Variants in MON1A observed in about 807,000 individuals in gnomAD.
The protein encoded by MON1A is vacuolar fusion protein MON1 homolog A.
A neutral mutation model predicts 44.6 loss-of-function variants in MON1A; 29 were observed. The observed-to-expected ratio is 0.65, with a 90% CI of 0.48 to 0.89. The LOEUF (loss-of-function observed/expected upper bound fraction) is 0.89, where lower values mean the gene tolerates loss of function less well. MON1A is among the 40% of genes least tolerant of loss of function. The probability of loss-of-function intolerance (pLI) is 0.00; values close to 1 mark genes in which losing one functional copy is unlikely to be tolerated. For synonymous variants in MON1A, 275 were observed against 316.4 expected (o/e 0.87, Z 1.39); for missense variants, 615 against 759.6 (o/e 0.81, Z 2.24).
chr3:49,914,342 C>T (rs1455344350), intron 1 of MON1A, among the ~76,000 whole-genome samples: 1 of 151,846 alleles, frequency 6.6e-6, no homozygotes, highest in Non-Finnish European at 1.5e-5. Context: ...CTCGGCCTCC[C>T]AAAATGCTGG....
chr3:49,921,017 G>A (rs1053909757), intron 1 of MON1A, among the ~76,000 whole-genome samples: 15 of 151,892 alleles, frequency 9.9e-5, no homozygotes, highest in African/African-American at 3.6e-4. Context: ...TTAGCCAGGC[G>A]TGGTGGCACG....
chr3:49,924,972 C>T (rs2083041423), intron 1 of MON1A, among the ~76,000 whole-genome samples: 1 of 152,166 alleles, frequency 6.6e-6, no homozygotes, highest in South Asian at 2.1e-4. Context: ...TTGAGCCATC[C>T]AGCTAAGCCA....
Position 49,909,568 on chromosome 3 carries a change from G to T in MON1A, c.1380-168C>A. 1.2e-6 allele frequency: 1 copy of T among 848,200 alleles called. No individual in the cohort carries two copies. Among genetic ancestry groups the T allele is most frequent in the Non-Finnish European group, 1.8e-6 (1 of 559,828 alleles). 52.5% of individuals were successfully genotyped at this position (848,200 alleles called of 1,614,324 possible). A position where few individuals can be genotyped will look rare whatever the true frequency, so the allele number is the denominator to read the frequency against. ...CTCCCCACCATAGCAGGCACCCCAGGACAGGGCTGGGCCCACTGAGACTAG... is the reference window on the plus strand; with the variant it reads ...CTCCCCACCATAGCAGGCACCCCAGTACAGGGCTGGGCCCACTGAGACTAG... On this transcript the variant is annotated intron_variant, in intron 4 of 5. Coordinates refer to ENST00000296473, the MANE Select transcript of MON1A (RefSeq NM_032355.4). The surrounding 1 kb of genome is among the most constrained non-coding windows in gnomAD (Gnocchi z 4.0).
At chr3:49,925,951 T>C (rs1437334735) in intron 1 of MON1A, among the ~76,000 whole-genome samples, 1 of 152,192 alleles carries the variant, frequency 6.6e-6, no homozygotes, top group Non-Finnish European at 1.5e-5. Context: ...TCTTTTGCCC[T>C]TGTCCCTGCA....
intron 1 of MON1A, among the ~76,000 whole-genome samples, chr3:49,914,887 C>T (rs2082930235): frequency 6.6e-6 from 1 of 152,108 alleles, no homozygotes; most frequent in Admixed American, 6.5e-5. Context: ...TTTCATGTTG[C>T]CCTGGCTGGT....
At position 49,920,568 on chromosome 3, in the gene MON1A, GGTGGCTCTCACC is replaced by G. The variant is rs557061520; in HGVS notation, c.-13-7221_-13-7210del. On this transcript the variant is annotated intron_variant, in intron 1 of 5. Coordinates refer to ENST00000296473, the MANE Select transcript of MON1A (RefSeq NM_032355.4). ...AAAAGGCCATCTCCTGGCCAGGCGT[GGTGGCTCTCACC>G]TGTAATCCCAGCACTTTGGGAGGCC... 2.3e-4 allele frequency: 35 copies of G among 152,320 alleles called. No homozygotes were observed. The East Asian group carries it at 6.6e-3, about 29-fold the overall frequency. The allele number at this position is 152,320 out of a possible 1,614,324, so 9.4% of individuals were successfully genotyped here. A position where few individuals can be genotyped will look rare whatever the true frequency, so the allele number is the denominator to read the frequency against.
chr3:49,929,751 G>A lies in MON1A; in HGVS notation c.-156C>T. ...CCCGGCCCCCTGCGTACACAGACAT[G>A]GCCACAGCGCAGGCACCGCTCCCTC... On this transcript the variant is annotated 5_prime_UTR_variant, in exon 1 of 6. Coordinates refer to ENST00000296473, the MANE Select transcript of MON1A (RefSeq NM_032355.4). 1 of 1,549,798 alleles carries A rather than the reference G, an allele frequency of 6.5e-7. No homozygotes were observed. The highest frequency in any genetic ancestry group is 1.2e-5 in the South Asian group (1 of 84,012).
In MON1A at chr3:49,911,834, G is replaced by A. The variant is rs754159971; in HGVS notation, c.305C>T (p.Thr102Met). ...CTCCTGCAGGTCCCGGGCCACACCC[G>A]TCAGCTGGGTGCTTAGCTCGCTAAA... ...QDFSELSTQLTGVARDLQEEM... is the reference protein window; with the variant it reads ...QDFSELSTQLMGVARDLQEEM... The change falls in exon 3 of 6, where the codon ACG becomes ATG. Residue 102 changes from threonine (T) to methionine (M), a missense_variant. Transcript: ENST00000296473. The surrounding 1 kb of genome is among the most constrained non-coding windows in gnomAD (Gnocchi z 5.7). The A allele has an allele frequency of 3.0e-5, 48 of 1,614,060 alleles. No homozygotes were observed. Among genetic ancestry groups the A allele is most frequent in the Non-Finnish European group, 4.0e-5 (47 of 1,180,000 alleles).
Position 49,910,983 on chromosome 3 carries a change from G to C in MON1A, c.614-99C>G, listed in dbSNP as rs564075346. ...TCTTCGCTTTCCCCATCCTTTCCTC[G>C]CTCAGAGCTCTGCGCACAGTAGGGG... On this transcript the variant is annotated intron_variant, in intron 3 of 5. Coordinates refer to ENST00000296473, the MANE Select transcript of MON1A (RefSeq NM_032355.4). The surrounding 1 kb of genome is among the most constrained non-coding windows in gnomAD (Gnocchi z 8.0). The C allele has an allele frequency of 6.8e-6, 8 of 1,181,866 alleles. No homozygotes were observed. The South Asian group carries it at 1.2e-4, about 18-fold the overall frequency. The allele number at this position is 1,181,866 out of a possible 1,614,324, so 73.2% of individuals were successfully genotyped here. A position where few individuals can be genotyped will look rare whatever the true frequency, so the allele number is the denominator to read the frequency against.
At chr3:49,913,415 C>T (rs1049331743) in intron 1 of MON1A, 56 bp from the exon 2 acceptor site, 30 of 1,557,430 alleles carry the variant, frequency 1.9e-5, no homozygotes, top group Non-Finnish European at 2.4e-5. Context: ...CAGGCATAAT[C>T]AACAGTGGTA....
chr3:49,918,475 G>A (rs1359812294), intron 1 of MON1A, among the ~76,000 whole-genome samples: 6 of 151,218 alleles, frequency 4.0e-5, no homozygotes, highest in Admixed American at 6.6e-5. Flanking sequence ...GCAGGAGCAC[G>A]ATCTTGGCTC....
rs762324470 is a variant in MON1A, at chr3:49,909,272, T to C, written c.1508A>G (p.Asn503Ser). Residue 503 changes from asparagine (N) to serine (S), a missense_variant, in exon 5 of 6, where the codon AAC becomes AGC. Physicochemically the swap from Asn to Ser is conservative, Grantham distance 46. Coordinates refer to ENST00000296473, the MANE Select transcript of MON1A (RefSeq NM_032355.4). This position sits in a 1 kb window ranked among gnomAD's most constrained non-coding sequence, Gnocchi z 4.0. ...PLKTIYYTGP[N>S]ENLLAWVTGA... ...CCTTACCCAGGCCAGGAGGTTCTCG[T>C]TGGGGCCCGTGTAGTAAATGGTCTT... The C allele has an allele frequency of 1.1e-5, 18 of 1,613,654 alleles. No individual in the cohort carries two copies. The highest frequency in any genetic ancestry group is 8.0e-5 in the African/African-American group (6 of 74,898).
In MON1A at chr3:49,909,262, G is replaced by A. The variant is rs1257973451; in HGVS notation, c.1518C>T (p.Leu506=). 1 of 1,614,058 alleles carries A rather than the reference G, an allele frequency of 6.2e-7. No individual in the cohort carries two copies. The highest frequency in any genetic ancestry group is 1.7e-5 in the Admixed American group (1 of 60,024). ...CCCAGGGCTGCCTTACCCAGGCCAGGAGGTTCTCGTTGGGGCCCGTGTAGT... is the reference window on the plus strand; with the variant it reads ...CCCAGGGCTGCCTTACCCAGGCCAGAAGGTTCTCGTTGGGGCCCGTGTAGT... ...TIYYTGPNEN[L]LAWVTGAFEL... Residue 506 remains leucine (L), a synonymous_variant, in exon 5 of 6, where the codon CTC becomes CTT. Transcript: ENST00000296473. The surrounding 1 kb of genome is among the most constrained non-coding windows in gnomAD (Gnocchi z 4.0).
At chr3:49,928,003 A>C (rs897810182) in intron 1 of MON1A, among the ~76,000 whole-genome samples, 4 of 152,122 alleles carry the variant, frequency 2.6e-5, no homozygotes, top group Non-Finnish European at 5.9e-5. Flanking sequence ...CAAGGTCTAC[A>C]ATAGCTTACT....
intron 1 of MON1A, among the ~76,000 whole-genome samples, chr3:49,914,771 C>A (rs1400110192): frequency 6.6e-6 from 1 of 151,828 alleles, no homozygotes; most frequent in African/African-American, 2.4e-5. Context: ...TGGTCTTGAA[C>A]TCCTGACCTT....
Position 49,910,246 on chromosome 3 carries a change from G to C in MON1A, c.1252C>G (p.Arg418Gly). 1 of 1,614,144 alleles carries C rather than the reference G, an allele frequency of 6.2e-7. No homozygotes were observed. Among genetic ancestry groups the C allele is most frequent in the Non-Finnish European group, 8.5e-7 (1 of 1,180,002 alleles). Residue 418 changes from arginine to glycine, a missense_variant, in exon 4 of 6, where the codon CGC becomes GGC. Physicochemically the swap from Arg to Gly is moderately radical, Grantham distance 125. Coordinates refer to ENST00000296473, the MANE Select transcript of MON1A (RefSeq NM_032355.4). The surrounding 1 kb of genome is among the most constrained non-coding windows in gnomAD (Gnocchi z 8.0). ...DCRRRFQERL[R>G]KRGAHLALRE... The stretch of plus-strand genomic sequence containing the variant: ...AGGGCCAGGTGGGCTCCGCGCTTGC[G>C]AAGGCGCTCCTGGAAGCGGCGGCGG...
intron 1 of MON1A, 36 bp downstream of exon 1, chr3:49,929,573 G>C (rs1465952934): frequency 1.9e-6 from 3 of 1,550,796 alleles, no homozygotes; most frequent in Non-Finnish European, 2.6e-6. Flanking sequence ...CAGTCTCTAG[G>C]TGCCTCCAGG....
intron 1 of MON1A, 200 bp downstream of exon 1, chr3:49,929,409 A>T: frequency 1.5e-6 from 1 of 662,136 alleles, no homozygotes; most frequent in Non-Finnish European, 2.6e-6. Context: ...TCCCAGCCAA[A>T]GGATGGGTTC....
rs2082858786 is a variant in MON1A at position 49,910,269 on chromosome 3, C to T, written c.1229G>A (p.Arg410His). ...GCGAAGGCGCTCCTGGAAGCGGCGGCGGCAGTCAGAGACTGCAAAGAAGTC... is the reference window on the plus strand; with the variant it reads ...GCGAAGGCGCTCCTGGAAGCGGCGGTGGCAGTCAGAGACTGCAAAGAAGTC... Reference protein sequence around the residue: ...REDFFAVSDCRRRFQERLRKR... With the variant: ...REDFFAVSDCHRRFQERLRKR... Residue 410 changes from arginine (R) to histidine (H), a missense_variant, in exon 4 of 6, where the codon CGC becomes CAC. By Grantham distance (29) the Arg-to-His change is conservative. Coordinates refer to ENST00000296473, the MANE Select transcript of MON1A (RefSeq NM_032355.4). This position sits in a 1 kb window ranked among gnomAD's most constrained non-coding sequence, Gnocchi z 8.0. The T allele has an allele frequency of 1.2e-6, 2 of 1,614,040 alleles. No homozygotes were observed. Among genetic ancestry groups the T allele is most frequent in the South Asian group, 1.1e-5 (1 of 91,086 alleles).
Sources: allele counts gnomAD v4.1 joint callset (sites outside exome capture counted in the v4.1 genomes callset), GRCh38; gene constraint gnomAD v4.1.1; non-coding constraint Gnocchi (gnomAD v3.1); transcripts MANE v1.5; gene names NCBI Gene and HGNC (gene_info 2026-07-23, HGNC 2026-07-21).